The following ZNF26 variants were observed in gnomAD, a reference collection of about 807,000 sequenced individuals.
ZNF26 encodes the protein zinc finger protein 26.
Under a neutral mutation model 54.9 loss-of-function variants are expected in ZNF26, and 32 were observed. The ratio of observed to expected loss-of-function variants is 0.58; its 90% confidence interval spans 0.44 to 0.78. The LOEUF (loss-of-function observed/expected upper bound fraction) is 0.78. Ranked by LOEUF, ZNF26 falls within the 30% of genes least tolerant of loss-of-function variation. ZNF26 has a pLI of 0.00. For missense variants in ZNF26, 524 were observed against 634.0 expected (o/e 0.83, Z 1.86); for synonymous variants, 221 against 209.2 (o/e 1.06, Z -0.49).
At position 133,017,389 on chromosome 12, in the gene ZNF26, T is replaced by G. The variant is rs1344625716; in HGVS notation, c.*5908T>G. 2 of 151,958 alleles carry G rather than the reference T, an allele frequency of 1.3e-5. No homozygotes were observed. Among genetic ancestry groups the G allele is most frequent in the African/African-American group, 4.8e-5 (2 of 41,344 alleles). 9.4% of individuals were successfully genotyped at this position (151,958 alleles called of 1,614,324 possible). ...AGAGCATTGGATGACCTGCTGAAGG[T>G]GGTTTGAAGTACCAGCTTAGTGGCA... On this transcript the variant is annotated 3_prime_UTR_variant, in exon 4 of 4. Coordinates refer to ENST00000328654, the MANE Select transcript of ZNF26 (RefSeq NM_019591.4).
chr12:133,022,583 G>C lies in ZNF26; in HGVS notation c.*11102G>C, dbSNP rs959150624. ...AAAATGTTAGCATTGGGGGAAACTG[G>C]GAAAAGTGTATAAGGGATCTCTGCA... On this transcript the variant is annotated 3_prime_UTR_variant, in exon 4 of 4. Coordinates refer to ENST00000328654, the MANE Select transcript of ZNF26 (RefSeq NM_019591.4). The C allele has an allele frequency of 1.3e-5, 2 of 152,092 alleles. No individual in the cohort carries two copies. The highest frequency in any genetic ancestry group is 2.4e-5 in the African/African-American group (1 of 41,394). 9.4% of individuals were successfully genotyped at this position (152,092 alleles called of 1,614,324 possible).
At chr12:132,998,850 A>C (rs2137231326) in intron 1 of ZNF26, among the ~76,000 whole-genome samples, 1 of 152,362 alleles carries the variant, frequency 6.6e-6, no homozygotes, top group South Asian at 2.1e-4. Flanking sequence ...TGCTGAACTT[A>C]TGCAAATAAC....
At position 133,023,781 on chromosome 12, in the gene ZNF26, T is replaced by C. The variant is rs1207997829; in HGVS notation, c.*12300T>C. 1.3e-5 allele frequency: 2 copies of C among 152,240 alleles called. No individual in the cohort carries two copies. The highest frequency in any genetic ancestry group is 6.5e-5 in the Admixed American group (1 of 15,278). The allele number at this position is 152,240 out of a possible 1,614,324, so 9.4% of individuals were successfully genotyped here. A position where few individuals can be genotyped will look rare whatever the true frequency, so the allele number is the denominator to read the frequency against. On this transcript the variant is annotated 3_prime_UTR_variant, in exon 4 of 4. Coordinates refer to ENST00000328654, the MANE Select transcript of ZNF26 (RefSeq NM_019591.4). The stretch of plus-strand genomic sequence containing the variant: ...AAAGAATGTGGAGGAAGTGATCATG[T>C]AACTTCGCAGGATATAAAAAGCCAT...
intron 1 of ZNF26, among the ~76,000 whole-genome samples, chr12:133,000,528 C>T (rs1459110253): frequency 1.3e-5 from 2 of 149,178 alleles, no homozygotes; most frequent in East Asian, 2.0e-4. Flanking sequence ...GGGTTCACGC[C>T]ATTCTCCTGC....
At position 133,010,386 on chromosome 12, in the gene ZNF26, C is replaced by T; in HGVS notation, c.507C>T (p.Ser169=). Residue 169 remains serine (S), a synonymous_variant, in exon 4 of 4, where the codon AGC becomes AGT. Transcript: ENST00000328654. ...PYFLKHQRAH[S]IEKNCVCSEC... is the part of the protein sequence containing the mutation. ...TTCTTAAGCATCAAAGAGCTCATAGCATAGAAAAAAACTGTGTGTGTAGTG... is the reference window on the plus strand; with the variant it reads ...TTCTTAAGCATCAAAGAGCTCATAGTATAGAAAAAAACTGTGTGTGTAGTG... 1.2e-6 allele frequency: 2 copies of T among 1,614,064 alleles called. No homozygotes were observed. Among genetic ancestry groups the T allele is most frequent in the South Asian group, 1.1e-5 (1 of 91,074 alleles).
At chr12:132,989,955 GT>G (rs1952912030) in intron 1 of ZNF26, among the ~76,000 whole-genome samples, 1 of 152,078 alleles carries the variant, frequency 6.6e-6, no homozygotes, top group Non-Finnish European at 1.5e-5. Flanking sequence ...TTTAGTGAGG[GT>G]TTTTGTTGTT....
rs1212658343 is a variant in ZNF26 at position 133,018,974 on chromosome 12, G to A, written c.*7493G>A. ...TGGTGATAAAAAAAAATCCAACCAT[G>A]TACAGAAGACATACATACATACTCA... On this transcript the variant is annotated 3_prime_UTR_variant, in exon 4 of 4. Transcript: ENST00000328654. The A allele has an allele frequency of 6.6e-6, 1 of 152,046 alleles. No homozygotes were observed. The highest frequency in any genetic ancestry group is 1.5e-5 in the Non-Finnish European group (1 of 68,010). 9.4% of individuals were successfully genotyped at this position (152,046 alleles called of 1,614,324 possible).
rs1953503768 is a variant in ZNF26, at chr12:133,012,588, T to TTTTTTTG, written c.*1113_*1114insGTTTTTT. 1 of 120,962 alleles carries TTTTTTTG rather than the reference T, an allele frequency of 8.3e-6. No individual in the cohort carries two copies. Among genetic ancestry groups the TTTTTTTG allele is most frequent in the Non-Finnish European group, 1.8e-5 (1 of 56,824 alleles). 7.5% of individuals were successfully genotyped at this position (120,962 alleles called of 1,614,324 possible). On this transcript the variant is annotated 3_prime_UTR_variant, in exon 4 of 4. Coordinates refer to ENST00000328654, the MANE Select transcript of ZNF26 (RefSeq NM_019591.4). ...CTTTTTGTTGTTTGGGTTTTTTTTT[T>TTTTTTTG]TTTTTTTTTTTTTTTTTTTTTGAGA...
chr12:132,987,435 G>A (rs1398720718), intron 1 of ZNF26, among the ~76,000 whole-genome samples: 1 of 152,184 alleles, frequency 6.6e-6, no homozygotes, highest in African/African-American at 2.4e-5. Flanking sequence ...GTAAGGGGCG[G>A]GCCAGTGGAT....
chr12:132,999,694 A>G (rs1953168938), intron 1 of ZNF26, among the ~76,000 whole-genome samples: 1 of 151,764 alleles, frequency 6.6e-6, no homozygotes, highest in African/African-American at 2.4e-5. Flanking sequence ...AAAGTGTTGA[A>G]AAAAAAATTT....
At position 133,017,162 on chromosome 12, in the gene ZNF26, A is replaced by T. The variant is rs1953577173; in HGVS notation, c.*5681A>T. 6.6e-6 allele frequency: 1 copy of T among 152,230 alleles called. No homozygotes were observed. Among genetic ancestry groups the T allele is most frequent in the East Asian group, 1.9e-4 (1 of 5,198 alleles). The allele number at this position is 152,230 out of a possible 1,614,324, so 9.4% of individuals were successfully genotyped here. On this transcript the variant is annotated 3_prime_UTR_variant, in exon 4 of 4. Transcript: ENST00000328654. Reference sequence around the variant, plus strand: ...AATTTGATGGTACAAAAATATGGAAATAAGCCCCAGAAAATAACAGTATGT... The same window carrying T: ...AATTTGATGGTACAAAAATATGGAATTAAGCCCCAGAAAATAACAGTATGT...
Position 132,986,789 on chromosome 12 carries a change from C to A in ZNF26, c.-52C>A. 1 of 1,566,032 alleles carries A rather than the reference C, an allele frequency of 6.4e-7. No individual in the cohort carries two copies. Among genetic ancestry groups the A allele is most frequent in the South Asian group, 1.2e-5 (1 of 85,552 alleles). ...GCGGACGCATCCCTCACGGTCTCTC[C>A]GCAGCCCGCGGGTCCTGCCCCCGCA... On this transcript the variant is annotated 5_prime_UTR_variant, in exon 1 of 4. Coordinates refer to ENST00000328654, the MANE Select transcript of ZNF26 (RefSeq NM_019591.4).
chr12:133,011,129 G>A lies in ZNF26; in HGVS notation c.1250G>A (p.Arg417Lys). 6.2e-7 allele frequency: 1 copy of A among 1,614,100 alleles called. No individual in the cohort carries two copies. Reference sequence around the variant, plus strand: ...AGCAAGTCATACCTTGTTATACATAGGAGAACACACACCGGAGAGAGACCC... The same window carrying A: ...AGCAAGTCATACCTTGTTATACATAAGAGAACACACACCGGAGAGAGACCC... Reference protein sequence around the residue: ...FSSKSYLVIHRRTHTGERPYE... With the variant: ...FSSKSYLVIHKRTHTGERPYE... Residue 417 changes from arginine to lysine, a missense_variant, in exon 4 of 4, where the codon AGG (arginine) becomes AAG (lysine). Physicochemically the swap from Arg to Lys is conservative, Grantham distance 26. Coordinates refer to ENST00000328654, the MANE Select transcript of ZNF26 (RefSeq NM_019591.4).
intron 1 of ZNF26, 178 bp from the exon 2 acceptor site, chr12:133,006,864 G>A (rs1363971820): frequency 8.6e-5 from 66 of 769,530 alleles, no homozygotes; most frequent in Admixed American, 2.3e-4. Context: ...AAGTGCTGGC[G>A]TGAGCCACCG....
intron 1 of ZNF26, among the ~76,000 whole-genome samples, chr12:133,004,189 A>G (rs1953278129): frequency 1.3e-5 from 2 of 152,054 alleles, no homozygotes; most frequent in Non-Finnish European, 2.9e-5. Flanking sequence ...CTCCCTCCCT[A>G]CATTTTTAGT....
chr12:133,018,239 A>G lies in ZNF26; in HGVS notation c.*6758A>G, dbSNP rs1953593648. The G allele has an allele frequency of 6.6e-6, 1 of 152,198 alleles. No homozygotes were observed. The highest frequency in any genetic ancestry group is 2.4e-5 in the African/African-American group (1 of 41,450). The allele number at this position is 152,198 out of a possible 1,614,324, so 9.4% of individuals were successfully genotyped here. ...CTACTGTAACAAAAGCTGTTAATAT[A>G]TACTTTCTCTTCATCTCTCAGCCTC... On this transcript the variant is annotated 3_prime_UTR_variant, in exon 4 of 4. Transcript: ENST00000328654.
chr12:133,024,542 T>C lies in ZNF26; in HGVS notation c.*13061T>C, dbSNP rs1953678265. 9.2e-5 allele frequency: 14 copies of C among 152,108 alleles called. No individual in the cohort carries two copies. The allele number at this position is 152,108 out of a possible 1,614,324, so 9.4% of individuals were successfully genotyped here. A position where few individuals can be genotyped will look rare whatever the true frequency, so the allele number is the denominator to read the frequency against. On this transcript the variant is annotated 3_prime_UTR_variant, in exon 4 of 4. Coordinates refer to ENST00000328654, the MANE Select transcript of ZNF26 (RefSeq NM_019591.4). ...AAAATGAACCATTCCATGGAGGAAA[T>C]GGTAAACAGTCTTTTCAGCTTGTAA...
In ZNF26 at chr12:133,011,269, C is replaced by G; in HGVS notation, c.1390C>G (p.Pro464Ala). 2 of 1,613,592 alleles carry G rather than the reference C, an allele frequency of 1.2e-6. No individual in the cohort carries two copies. The highest frequency in any genetic ancestry group is 1.7e-6 in the Non-Finnish European group (2 of 1,179,826). ...ATGCAATGAATGTGAAAAAGCCTAC[C>G]CTAGGAAGGCATCACTTCAGATACA... is the stretch of plus-strand genomic sequence containing the variant. ...YECNECEKAY[P>A]RKASLQIHQK... Residue 464 changes from proline (P) to alanine (A), a missense_variant, in exon 4 of 4, where the codon CCT becomes GCT. Pro to Ala is a conservative substitution (Grantham distance 27). Coordinates refer to ENST00000328654, the MANE Select transcript of ZNF26 (RefSeq NM_019591.4).
rs146150128 is a variant in ZNF26, at chr12:133,016,407, C to CTTTTTTTTT, written c.*4935_*4943dup. The CTTTTTTTTT allele has an allele frequency of 1.4e-5, 2 of 138,778 alleles. No homozygotes were observed. The highest frequency in any genetic ancestry group is 5.3e-5 in the African/African-American group (2 of 37,688). The allele number at this position is 138,778 out of a possible 1,614,324, so 8.6% of individuals were successfully genotyped here. ...TTAATTTTTAAAAACAATTTAGCTA[C>CTTTTTTTTT]TTTTTTTTTTTTTTTTTAACTATTT... On this transcript the variant is annotated 3_prime_UTR_variant, in exon 4 of 4. Coordinates refer to ENST00000328654, the MANE Select transcript of ZNF26 (RefSeq NM_019591.4).
Sources: gnomAD v4.1 joint callset for allele counts (sites outside exome capture counted in the v4.1 genomes callset) on GRCh38, gnomAD v4.1.1 for gene constraint, MANE v1.5 for transcripts, NCBI Gene and HGNC (gene_info 2026-07-23, HGNC 2026-07-21) for gene names.